The following AGPAT3 variants were observed in gnomAD, a reference collection of about 807,000 sequenced individuals.
AGPAT3 encodes the protein 1-acylglycerol-3-phosphate O-acyltransferase 3, also known as 1-acyl-sn-glycerol-3-phosphate acyltransferase gamma.
In AGPAT3, 5 loss-of-function variants were observed where a neutral mutation model predicts 47.3. The ratio of observed to expected loss-of-function variants is 0.11; its 90% CI spans 0.06 to 0.22. The LOEUF is 0.22. Ranked by LOEUF, AGPAT3 falls within the 10% of genes least tolerant of loss-of-function variation. AGPAT3 has a pLI of 1.00. For synonymous variants in AGPAT3, 212 were observed against 208.3 expected (o/e 1.02, Z -0.15); for missense variants, 315 against 493.0 (o/e 0.64, Z 3.42).
chr21:43,959,087 T>TGTGGCATGTGTGTGGTTTGCGGAGA (rs1555909858), intron 2 of AGPAT3, among the ~76,000 whole-genome samples: 1 of 130,484 alleles, frequency 7.7e-6, no homozygotes. Context: ...GTTTGTGGTG[T>TGTGGCATGTGTGTGGTTTGCGGAGA]GTGTGTGTCA....
chr21:43,879,944 G>A (rs1370120439), intron 1 of AGPAT3, among the ~76,000 whole-genome samples: 1 of 152,142 alleles, frequency 6.6e-6, no homozygotes, highest in Admixed American at 6.5e-5. Context: ...CCTGGCATGT[G>A]GGCCTCTCCC....
At chr21:43,919,830 CCTT>C (rs2086847174) in intron 2 of AGPAT3, 1 of 152,270 alleles carries the variant, frequency 6.6e-6, no homozygotes, top group Non-Finnish European at 1.5e-5. Flanking sequence ...TGCATGTCGT[CCTT>C]CTGCAGGAGC....
chr21:43,946,552 G>A lies in AGPAT3; in HGVS notation c.-48-13082G>A, dbSNP rs1190421855. Among the ~76,000 whole-genome samples, 5 of 150,990 alleles carry A rather than the reference G, an allele frequency of 3.3e-5. No individual in the cohort carries two copies. The South Asian group carries it at 1.0e-3, about 32-fold the overall frequency. On this transcript the variant is annotated intron_variant, in intron 2 of 9. Transcript: ENST00000291572. ...GAGGCAGAGTTTGCAGTGAGCTGAGGTCATGCCACTGCATTCCAGCCTAGG... is the reference window on the plus strand; with the variant it reads ...GAGGCAGAGTTTGCAGTGAGCTGAGATCATGCCACTGCATTCCAGCCTAGG...
At chr21:43,953,398 A>T (rs1319929271) in intron 2 of AGPAT3, among the ~76,000 whole-genome samples, 1 of 152,160 alleles carries the variant, frequency 6.6e-6, no homozygotes, top group Admixed American at 6.5e-5. Context: ...TTCGTAGGAG[A>T]TGTGGACGGA....
intron 1 of AGPAT3, among the ~76,000 whole-genome samples, chr21:43,886,787 T>C (rs1487107095): frequency 6.6e-6 from 1 of 152,226 alleles, no homozygotes; most frequent in African/African-American, 2.4e-5. Flanking sequence ...TCATTCTTTT[T>C]TATGGCTGAA....
chr21:43,905,155 A>T (rs559310676), intron 2 of AGPAT3, among the ~76,000 whole-genome samples: 4 of 138,480 alleles, frequency 2.9e-5, no homozygotes, highest in South Asian at 2.4e-4. Context: ...TTTAAAAAAA[A>T]TATTTATTTA....
At chr21:43,938,940 G>A (rs756291685) in intron 2 of AGPAT3, among the ~76,000 whole-genome samples, 5 of 152,156 alleles carry the variant, frequency 3.3e-5, no homozygotes, top group African/African-American at 9.7e-5. Context: ...GCCCCATCAC[G>A]CTCTCTCCTC....
chr21:43,870,884 G>T (rs1455922971), intron 1 of AGPAT3, among the ~76,000 whole-genome samples: 2 of 152,164 alleles, frequency 1.3e-5, no homozygotes, highest in African/African-American at 4.8e-5. Flanking sequence ...GGGTGGCTGT[G>T]GTGAACATGA....
chr21:43,899,711 C>A lies in AGPAT3; in HGVS notation c.-111-4246C>A, dbSNP rs540463690. Among the ~76,000 whole-genome samples, 6 of 152,304 alleles carry A rather than the reference C, an allele frequency of 3.9e-5. No individual in the cohort carries two copies. In the East Asian group the frequency reaches 1.2e-3, roughly 29 times the overall value. On this transcript the variant is annotated intron_variant, in intron 1 of 9. Coordinates refer to ENST00000291572, the MANE Select transcript of AGPAT3 (RefSeq NM_020132.5). ...TCCCCACCGCTGAGGATCACTGGTCCCCCAGGAGGCTTCCCAGGCATCACC... is the reference window on the plus strand; with the variant it reads ...TCCCCACCGCTGAGGATCACTGGTCACCCAGGAGGCTTCCCAGGCATCACC...
chr21:43,891,103 T>C (rs892746975), intron 1 of AGPAT3, among the ~76,000 whole-genome samples: 2 of 152,228 alleles, frequency 1.3e-5, no homozygotes, highest in African/African-American at 4.8e-5. Flanking sequence ...GCTTGCCACA[T>C]GGATGGACTC....
chr21:43,967,936 CT>C lies in AGPAT3; in HGVS notation c.179-9del, dbSNP rs766666360. 1.9e-6 allele frequency: 3 copies of C among 1,612,594 alleles called. No individual in the cohort carries two copies. The highest frequency in any genetic ancestry group is 1.1e-5 in the South Asian group (1 of 91,032). ...TCCTACCAGTGCCAACGCCCTCCCC[CT>C]GTCCGCAGAACTGGTCATGCTGCTG... On this transcript the variant is annotated splice_polypyrimidine_tract_variant and intron_variant, in intron 3 of 9. Transcript: ENST00000291572.
intron 2 of AGPAT3, among the ~76,000 whole-genome samples, chr21:43,940,397 C>G (rs2087615475): frequency 6.6e-6 from 1 of 152,222 alleles, no homozygotes; most frequent in Admixed American, 6.5e-5. Context: ...CTCCCCTCCT[C>G]TTCCAGCCCT....
intron 2 of AGPAT3, among the ~76,000 whole-genome samples, chr21:43,909,883 C>T (rs2086592373): frequency 6.6e-6 from 1 of 152,150 alleles, no homozygotes; most frequent in Non-Finnish European, 1.5e-5. Context: ...TGAACGCTAG[C>T]CCGGTGGGGA....
chr21:43,923,682 C>A (rs536477148), intron 2 of AGPAT3, among the ~76,000 whole-genome samples: 1 of 152,342 alleles, frequency 6.6e-6, no homozygotes, highest in Admixed American at 6.5e-5. Flanking sequence ...GCTGTGTCTG[C>A]TGGTTTCTGG....
chr21:43,978,209 A>C, intron 8 of AGPAT3, 88 bp downstream of exon 8: 1 of 1,094,152 alleles, frequency 9.1e-7, no homozygotes, highest in Non-Finnish European at 1.4e-6. Context: ...GACACGTGGG[A>C]ACTCCGTGGG....
At position 43,958,518 on chromosome 21, in the gene AGPAT3, G is replaced by A. The variant is rs373688987; in HGVS notation, c.-48-1116G>A. Among the ~76,000 whole-genome samples the A allele has an allele frequency of 8.4e-3, 1,277 of 151,646 alleles. 16 individuals are homozygous for A. The highest frequency in any genetic ancestry group is 0.048 in the Middle Eastern group (14 of 294). ...CACCATATGTGTGAGCGTGTGTGTC[G>A]TTTTTGGTGTGTGGTGTAGGTGTGG... On this transcript the variant is annotated intron_variant, in intron 2 of 9. Transcript: ENST00000291572.
Position 43,968,022 on chromosome 21 carries a change from T to C in AGPAT3, c.255T>C (p.Phe85=). Residue 85 remains phenylalanine (F), a synonymous_variant, in exon 4 of 10, where the codon TTT becomes TTC. Coordinates refer to ENST00000291572, the MANE Select transcript of AGPAT3 (RefSeq NM_020132.5). ...CGGACCAGGCCACGGTAGAGCGCTT[T>C]GGGAAGGAGCACGCAGTCATCATCC... ...LFTDQATVER[F]GKEHAVIILN... is the part of the protein sequence containing the mutation. The C allele has an allele frequency of 6.2e-7, 1 of 1,613,822 alleles. No individual in the cohort carries two copies. Among genetic ancestry groups the C allele is most frequent in the Non-Finnish European group, 8.5e-7 (1 of 1,179,970 alleles).
At chr21:43,944,490 G>A (rs1354899852) in intron 2 of AGPAT3, among the ~76,000 whole-genome samples, 2 of 152,240 alleles carry the variant, frequency 1.3e-5, no homozygotes, top group Non-Finnish European at 2.9e-5. Context: ...AGGAGGCCGC[G>A]GGAGTCATCG....
chr21:43,894,217 C>A (rs199949399), intron 1 of AGPAT3, among the ~76,000 whole-genome samples: 4 of 140,230 alleles, frequency 2.9e-5, no homozygotes, highest in African/African-American at 1.1e-4. Flanking sequence ...TTCTTTCTTT[C>A]TTTTTTTTTT....
Sources: gnomAD v4.1 joint callset for allele counts (sites outside exome capture counted in the v4.1 genomes callset) on GRCh38, gnomAD v4.1.1 for gene constraint, MANE v1.5 for transcripts, NCBI Gene and HGNC (gene_info 2026-07-23, HGNC 2026-07-21) for gene names.